The following UPRT variants were observed in gnomAD, a reference collection of about 807,000 sequenced individuals.
UPRT encodes the protein uracil phosphoribosyltransferase homolog.
UPRT carries 5 observed loss-of-function variants against 22.6 expected under a neutral mutation model. The observed-to-expected ratio is 0.22, with a 90% CI of 0.12 to 0.47. UPRT has a LOEUF of 0.47. UPRT is among the 20% of genes least tolerant of loss of function. UPRT has a pLI of 0.99. For missense variants in UPRT, 181 were observed against 239.9 expected (o/e 0.75, Z 1.62); for synonymous variants, 77 against 87.7 (o/e 0.88, Z 0.68).
chrX:75,202,150 A>C (rs1298512788), intron 4 of UPRT, among the ~76,000 whole-genome samples: 1 of 111,886 alleles, frequency 8.9e-6, no homozygotes, highest in Non-Finnish European at 1.9e-5. Context: ...TTTGCTAAAA[A>C]TAATATCAAT....
intron 4 of UPRT, among the ~76,000 whole-genome samples, chrX:75,177,474 C>T (rs1055458140): frequency 1.0e-4 from 11 of 110,224 alleles, no homozygotes; most frequent in African/African-American, 2.0e-4. Flanking sequence ...TGGCCCTTAC[C>T]GACGCATTCT....
upstream of UPRT, among the ~76,000 whole-genome samples, chrX:75,273,883 G>A (rs761858341): frequency 5.4e-5 from 6 of 111,655 alleles, no homozygotes; most frequent in Non-Finnish European, 1.1e-4. Flanking sequence ...CCAAAGTTCT[G>A]AATGCAGAAG....
intron 4 of UPRT, among the ~76,000 whole-genome samples, chrX:75,208,086 G>GA (rs1205589882): frequency 9.0e-6 from 1 of 111,569 alleles, no homozygotes; most frequent in African/African-American, 3.3e-5. Context: ...GCCCAAGAAG[G>GA]AGAGGAGGTC....
intron 4 of UPRT, among the ~76,000 whole-genome samples, chrX:75,188,883 C>T (rs1489034079): frequency 8.9e-6 from 1 of 111,767 alleles, no homozygotes; most frequent in Non-Finnish European, 1.9e-5. Flanking sequence ...TGCTTCGGCT[C>T]GCACGCGCAC....
intron 4 of UPRT, among the ~76,000 whole-genome samples, chrX:75,190,121 G>T (rs2082309850): frequency 8.9e-6 from 1 of 112,163 alleles, no homozygotes; most frequent in Admixed American, 9.4e-5. Context: ...GATACCGGTT[G>T]TTCCTTTCCA....
intron 4 of UPRT, among the ~76,000 whole-genome samples, chrX:75,230,748 G>A (rs761741902): frequency 2.8e-3 from 312 of 111,585 alleles, no homozygotes; most frequent in Middle Eastern, 9.2e-3. Context: ...CTGTGGCTGG[G>A]AGACCTGAAG....
intron 4 of UPRT, among the ~76,000 whole-genome samples, chrX:75,196,838 C>T (rs1159720275): frequency 9.0e-6 from 1 of 110,702 alleles, no homozygotes; most frequent in Non-Finnish European, 1.9e-5. Flanking sequence ...CAAAGTGAGA[C>T]TCTTTCTCAA....
chrX:75,178,144 G>T (rs1463754130), intron 4 of UPRT, among the ~76,000 whole-genome samples: 2 of 112,347 alleles, frequency 1.8e-5, no homozygotes, highest in Admixed American at 1.9e-4. Context: ...GCGGAAGCTG[G>T]TTCTAGGCAA....
chrX:75,235,020 C>T (rs1365256497), intron 4 of UPRT, among the ~76,000 whole-genome samples: 1 of 111,388 alleles, frequency 9.0e-6, no homozygotes, highest in African/African-American at 3.3e-5. Flanking sequence ...AAAAGATCAA[C>T]AAAATTGATA....
chrX:75,169,638 A>G (rs888268415), intron 4 of UPRT, among the ~76,000 whole-genome samples: 1 of 111,676 alleles, frequency 9.0e-6, no homozygotes, highest in Non-Finnish European at 1.9e-5. Flanking sequence ...CTGAGAGAGT[A>G]CCTGATATAA....
At chrX:75,210,970 C>T (rs745714726) in intron 4 of UPRT, among the ~76,000 whole-genome samples, 6 of 111,098 alleles carry the variant, frequency 5.4e-5, no homozygotes, top group East Asian at 2.9e-4. Flanking sequence ...GAAAGTAAGG[C>T]GTTCTGTTTT....
At chrX:75,294,328 G>GA (rs1227282057) in intron 2 of UPRT, among the ~76,000 whole-genome samples, 1 of 110,738 alleles carries the variant, frequency 9.0e-6, no homozygotes, top group Non-Finnish European at 1.9e-5. Flanking sequence ...AAAATTGCGT[G>GA]AATCAGGTAT....
At chrX:75,253,499 T>A (rs987258124) in intron 4 of UPRT, among the ~76,000 whole-genome samples, 1 of 112,284 alleles carries the variant, frequency 8.9e-6, no homozygotes, top group Non-Finnish European at 1.9e-5. Context: ...GAAGACAGTG[T>A]GGTGATTTCT....
chrX:75,193,096 G>A (rs1479997100), intron 4 of UPRT, among the ~76,000 whole-genome samples: 1 of 112,089 alleles, frequency 8.9e-6, no homozygotes, highest in Non-Finnish European at 1.9e-5. Context: ...TTTTGTAGTT[G>A]TTGGTAATGG....
At chrX:75,185,361 G>C (rs1295964859) in intron 4 of UPRT, among the ~76,000 whole-genome samples, 1 of 111,879 alleles carries the variant, frequency 8.9e-6, no homozygotes, top group Non-Finnish European at 1.9e-5. Flanking sequence ...TTGCATCCCA[G>C]GGATGAAGCC....
chrX:75,252,395 A>G (rs1048298513), intron 4 of UPRT, among the ~76,000 whole-genome samples: 21 of 112,161 alleles, frequency 1.9e-4, no homozygotes, highest in African/African-American at 6.5e-4. Context: ...ATGAACAGAC[A>G]CTTCTCAAAA....
At chrX:75,217,084 G>A (rs1203543880) in intron 4 of UPRT, among the ~76,000 whole-genome samples, 1 of 112,041 alleles carries the variant, frequency 8.9e-6, no homozygotes. Context: ...AAAAGAATTA[G>A]GACATGGTGG....
chrX:75,234,308 A>G (rs1411053776), intron 4 of UPRT, among the ~76,000 whole-genome samples: 3 of 110,606 alleles, frequency 2.7e-5, no homozygotes, highest in Admixed American at 1.9e-4. Flanking sequence ...GACCTACAAA[A>G]AGGCTTAGAC....
chrX:75,220,223 A>T (rs1309351994), intron 4 of UPRT, among the ~76,000 whole-genome samples: 1 of 109,692 alleles, frequency 9.1e-6, no homozygotes. Flanking sequence ...ATATAACTAC[A>T]CTTGTTCTTT....
Sources: allele counts gnomAD v4.1 joint callset (sites outside exome capture counted in the v4.1 genomes callset), GRCh38; gene constraint gnomAD v4.1.1; transcripts MANE v1.5; gene names NCBI Gene and HGNC (gene_info 2026-07-23, HGNC 2026-07-21).